ADAMTSL1: variants seen among roughly 807,000 people sequenced by gnomAD.
ADAMTSL1 encodes the protein ADAMTS-like protein 1.
In ADAMTSL1, 126 loss-of-function variants were observed where a neutral mutation model predicts 201.8. That is an observed-to-expected ratio of 0.62 (90% CI 0.54 to 0.72). The LOEUF is 0.72. Ranked by LOEUF, ADAMTSL1 falls within the 30% of genes least tolerant of loss-of-function variation. The pLI, the probability that ADAMTSL1 is intolerant of heterozygous loss-of-function variation, is 0.00. For missense variants in ADAMTSL1, 2,679 were observed against 2,277.8 expected (o/e 1.18, Z -3.59); for synonymous variants, 1,121 against 903.4 (o/e 1.24, Z -4.32).
At position 18,909,023 on chromosome 9, in the gene ADAMTSL1, T is replaced by C. The variant is rs1434191456; in HGVS notation, c.*475T>C. On this transcript the variant is annotated 3_prime_UTR_variant, in exon 29 of 29. Transcript: ENST00000380548. ...CTCCTCTTCCCCATCTATGTCCCTT[T>C]AGTCACAGTTAGGACAAATGGGGAG... The C allele has an allele frequency of 6.3e-6, 1 of 159,636 alleles. No homozygotes were observed. The highest frequency in any genetic ancestry group is 1.4e-5 in the Non-Finnish European group (1 of 72,180). 9.9% of individuals were successfully genotyped at this position (159,636 alleles called of 1,614,324 possible).
intron 2 of ADAMTSL1, among the ~76,000 whole-genome samples, chr9:18,288,256 C>T (rs1264877878): frequency 6.6e-6 from 1 of 152,038 alleles, no homozygotes; most frequent in African/African-American, 2.4e-5. Flanking sequence ...TGAGAAATCC[C>T]AGGTCAATGT....
At chr9:18,859,083 A>G (rs1827043222) in intron 23 of ADAMTSL1, among the ~76,000 whole-genome samples, 1 of 152,246 alleles carries the variant, frequency 6.6e-6, no homozygotes, top group African/African-American at 2.4e-5. Flanking sequence ...TGAAATCTGT[A>G]TTAACTTGAT....
intron 23 of ADAMTSL1, among the ~76,000 whole-genome samples, chr9:18,868,203 A>C (rs1267483279): frequency 6.6e-6 from 1 of 152,146 alleles, no homozygotes; most frequent in Middle Eastern, 3.2e-3. Flanking sequence ...CTTCCTCAGT[A>C]TGCACACATT....
chr9:18,023,286 G>A (rs565944337), intron 1 of ADAMTSL1, among the ~76,000 whole-genome samples: 2 of 152,198 alleles, frequency 1.3e-5, no homozygotes, highest in Non-Finnish European at 1.5e-5. Flanking sequence ...TAGTAGGTCT[G>A]GGGTGGTGCT....
chr9:18,808,918 C>T (rs924458467), intron 20 of ADAMTSL1, among the ~76,000 whole-genome samples: 14 of 152,296 alleles, frequency 9.2e-5, no homozygotes, highest in Admixed American at 3.3e-4. Flanking sequence ...AAAGATAGTA[C>T]TGTTGTTTCT....
chr9:18,531,249 A>T (rs1819425747), intron 2 of ADAMTSL1, among the ~76,000 whole-genome samples: 1 of 152,162 alleles, frequency 6.6e-6, no homozygotes. Flanking sequence ...AGTCATGAAA[A>T]TCCAGATCAC....
At chr9:18,723,630 G>C (rs522039) in intron 15 of ADAMTSL1, 1 of 154,610 alleles carries the variant, frequency 6.5e-6, no homozygotes, top group Non-Finnish European at 1.4e-5. Flanking sequence ...CCACCAGCCA[G>C]CTGTCAAGCC....
At chr9:18,249,598 T>C (rs539957959) in intron 2 of ADAMTSL1, among the ~76,000 whole-genome samples, 1 of 152,362 alleles carries the variant, frequency 6.6e-6, no homozygotes, top group Non-Finnish European at 1.5e-5. Flanking sequence ...TTCAGCCTAC[T>C]GTTATTGTTT....
intron 2 of ADAMTSL1, among the ~76,000 whole-genome samples, chr9:18,262,805 G>T (rs564338501): frequency 6.6e-6 from 1 of 152,206 alleles, no homozygotes; most frequent in African/African-American, 2.4e-5. Context: ...GAGAGCAAGA[G>T]ACTATATGGA....
chr9:18,099,351 ATATATTTTT>A (rs1459084559), intron 1 of ADAMTSL1, among the ~76,000 whole-genome samples: 14 of 52,624 alleles, frequency 2.7e-4, no homozygotes, highest in South Asian at 6.6e-4. Flanking sequence ...ATATATATAT[ATATATTTTT>A]TTTTTTTTTT....
chr9:17,981,656 A>G (rs1778187), intron 1 of ADAMTSL1, among the ~76,000 whole-genome samples: 73,977 of 151,870 alleles, frequency 0.49, 19,538 homozygotes, highest in East Asian at 0.92. Context: ...AACCTTTTAT[A>G]CTTATGGATT....
At chr9:18,013,438 C>T (rs1194771553) in intron 1 of ADAMTSL1, among the ~76,000 whole-genome samples, 3 of 151,960 alleles carry the variant, frequency 2.0e-5, no homozygotes, top group Non-Finnish European at 4.4e-5. Flanking sequence ...GAGGTCTGTA[C>T]AGTCTTACCT....
chr9:18,289,319 T>C (rs1833157548), intron 2 of ADAMTSL1, among the ~76,000 whole-genome samples: 1 of 152,192 alleles, frequency 6.6e-6, no homozygotes, highest in African/African-American at 2.4e-5. Context: ...AGTTCCAGTC[T>C]GAGTTTGGAG....
intron 1 of ADAMTSL1, among the ~76,000 whole-genome samples, chr9:18,496,600 A>C (rs975444807): frequency 2.6e-5 from 4 of 152,222 alleles, no homozygotes; most frequent in Non-Finnish European, 5.9e-5. Context: ...CATTTCATGC[A>C]GCTTCCCTAT....
At chr9:18,776,439 C>T (rs1588087691) in intron 18 of ADAMTSL1, among the ~76,000 whole-genome samples, 1 of 152,246 alleles carries the variant, frequency 6.6e-6, no homozygotes, top group Non-Finnish European at 1.5e-5. Flanking sequence ...CCCCCGGGAT[C>T]CCCCTCCATC....
intron 2 of ADAMTSL1, among the ~76,000 whole-genome samples, chr9:18,337,857 T>C (rs916301789): frequency 1.3e-5 from 2 of 152,114 alleles, no homozygotes; most frequent in Admixed American, 6.6e-5. Flanking sequence ...AAGTACTGAA[T>C]ATATTATCGA....
intron 2 of ADAMTSL1, among the ~76,000 whole-genome samples, chr9:18,511,416 GT>G (rs1818017617): frequency 6.6e-6 from 1 of 151,880 alleles, no homozygotes; most frequent in South Asian, 2.1e-4. Flanking sequence ...TTTTTTAAAA[GT>G]TAATAAATTT....
At chr9:18,680,785 G>A in intron 11 of ADAMTSL1, 2 of 449,186 alleles carry the variant, frequency 4.5e-6, no homozygotes, top group Non-Finnish European at 8.1e-6. Flanking sequence ...GGAAGCAACT[G>A]CCTTTCAAGG....
intron 1 of ADAMTSL1, among the ~76,000 whole-genome samples, chr9:17,983,250 T>C (rs1489289727): frequency 6.6e-6 from 1 of 151,818 alleles, no homozygotes; most frequent in Non-Finnish European, 1.5e-5. Flanking sequence ...TTTGTATTTT[T>C]AGTAGGGATG....
Sources: gnomAD v4.1 joint callset for allele counts (sites outside exome capture counted in the v4.1 genomes callset) on GRCh38, gnomAD v4.1.1 for gene constraint, MANE v1.5 for transcripts, NCBI Gene and HGNC (gene_info 2026-07-23, HGNC 2026-07-21) for gene names.